The following STK40 variants were observed in gnomAD, a reference collection of about 807,000 sequenced individuals.
STK40 encodes serine/threonine kinase 40, also known as serine/threonine-protein kinase 40.
A neutral mutation model predicts 47.9 loss-of-function variants in STK40; 13 were observed. The observed-to-expected ratio is 0.27, with a 90% CI of 0.18 to 0.43. The LOEUF (loss-of-function observed/expected upper bound fraction) is 0.43, where lower values mean the gene tolerates loss of function less well. Ranked by LOEUF, STK40 falls within the 20% of genes least tolerant of loss-of-function variation. STK40 has a pLI of 1.00. For missense variants in STK40, 460 were observed against 595.1 expected (o/e 0.77, Z 2.36); for synonymous variants, 225 against 243.2 (o/e 0.93, Z 0.69).
rs143691321 is a variant in STK40 at position 36,368,795 on chromosome 1, T to C, written c.-8-7455A>G. Among the ~76,000 whole-genome samples the C allele has an allele frequency of 4.9e-4, 74 of 152,324 alleles. 1 individual carries two copies. The East Asian group carries it at 0.013, about 27-fold the overall frequency. ...GATTGGACAACTGGTAAAATCTGAA[T>C]ATAGACTGTTTATTAGATAATAGTA... On this transcript the variant is annotated intron_variant, in intron 1 of 10. Transcript: ENST00000373132.
intron 1 of STK40, among the ~76,000 whole-genome samples, chr1:36,368,278 T>C (rs1646917824): frequency 6.6e-6 from 1 of 151,862 alleles, no homozygotes; most frequent in Non-Finnish European, 1.5e-5. Context: ...TCATGCTATA[T>C]ATATATTTTT....
At position 36,351,467 on chromosome 1, in the gene STK40, G is replaced by A. The variant is rs1646752116; in HGVS notation, c.624-2652C>T. On this transcript the variant is annotated intron_variant, in intron 6 of 10. Transcript: ENST00000373132. Reference sequence around the variant, plus strand: ...GGGCCCCAGAGCGGAGGGTGTGCCAGAGGACACACACGGAGCAGTGAGTCT... The same window carrying A: ...GGGCCCCAGAGCGGAGGGTGTGCCAAAGGACACACACGGAGCAGTGAGTCT... 2.0e-5 allele frequency among the ~76,000 whole-genome samples: 3 copies of A among 152,146 alleles called. No individual in the cohort carries two copies. In the South Asian group the frequency reaches 6.2e-4, roughly 31 times the overall value.
chr1:36,342,256 C>T (rs1646656270), intron 10 of STK40: 1 of 461,418 alleles, frequency 2.2e-6, no homozygotes, highest in Non-Finnish European at 4.0e-6. Flanking sequence ...CACTTTACCT[C>T]AGAAGCCTTA....
At chr1:36,352,596 G>A (rs1278938761) in intron 6 of STK40, among the ~76,000 whole-genome samples, 1 of 152,184 alleles carries the variant, frequency 6.6e-6, no homozygotes, top group Non-Finnish European at 1.5e-5. Flanking sequence ...AGCCAGTCCA[G>A]GGTTCAAGCA....
intron 1 of STK40, among the ~76,000 whole-genome samples, chr1:36,383,494 G>T (rs1296905620): frequency 6.6e-6 from 1 of 152,214 alleles, no homozygotes; most frequent in Non-Finnish European, 1.5e-5. Context: ...TGCTTCCTCA[G>T]CAAAGATCCA....
At chr1:36,368,096 A>G (rs1288901599) in intron 1 of STK40, 1 of 153,022 alleles carries the variant, frequency 6.5e-6, no homozygotes, top group Non-Finnish European at 1.5e-5. Context: ...TGGTCAAAAC[A>G]ATTGAACAGC....
chr1:36,358,929 G>T, intron 2 of STK40, 107 bp from the exon 3 acceptor site: 1 of 1,262,096 alleles, frequency 7.9e-7, no homozygotes, highest in Non-Finnish European at 1.1e-6. Context: ...GGGCACCATA[G>T]CTCATGTGTA....
intron 8 of STK40, 44 bp downstream of exon 8, chr1:36,344,076 A>C (rs1646678213): frequency 1.9e-6 from 3 of 1,599,962 alleles, no homozygotes; most frequent in Non-Finnish European, 2.6e-6. Context: ...CCTTAAGCCC[A>C]TCAGGCTGGC....
chr1:36,358,437 A>G, intron 3 of STK40, 55 bp from the exon 4 acceptor site: 1 of 1,551,850 alleles, frequency 6.4e-7, no homozygotes, highest in Non-Finnish European at 8.8e-7. Flanking sequence ...TTTACACAGC[A>G]GAACAACCAG....
chr1:36,352,874 G>C (rs1041974703), intron 6 of STK40, among the ~76,000 whole-genome samples: 2 of 152,246 alleles, frequency 1.3e-5, no homozygotes, highest in African/African-American at 4.8e-5. Context: ...CCCAGCACCA[G>C]GTGGTGCTAG....
chr1:36,357,776 C>G (rs972019693), intron 4 of STK40, among the ~76,000 whole-genome samples: 6 of 152,068 alleles, frequency 3.9e-5, no homozygotes, highest in Non-Finnish European at 7.4e-5. Context: ...GCCGCCATGC[C>G]CAGCTAATTT....
intron 7 of STK40, among the ~76,000 whole-genome samples, chr1:36,347,076 CTT>C: frequency 6.6e-6 from 1 of 152,326 alleles, no homozygotes. Flanking sequence ...GTGCTACTGT[CTT>C]TGCACACGGG....
chr1:36,359,333 G>A (rs1292986365), intron 2 of STK40, among the ~76,000 whole-genome samples: 1 of 152,194 alleles, frequency 6.6e-6, no homozygotes, highest in East Asian at 1.9e-4. Flanking sequence ...TTGAGCCCAG[G>A]AGGCTGAGGC....
rs141409553 is a variant in STK40, at chr1:36,340,907, G to C, written c.*848C>G. 7 of 152,458 alleles carry C rather than the reference G, an allele frequency of 4.6e-5. No individual in the cohort carries two copies. Among genetic ancestry groups the C allele is most frequent in the African/African-American group, 1.7e-4 (7 of 41,588 alleles). The allele number at this position is 152,458 out of a possible 1,614,324, so 9.4% of individuals were successfully genotyped here. On this transcript the variant is annotated 3_prime_UTR_variant, in exon 11 of 11. Coordinates refer to ENST00000373132, the MANE Select transcript of STK40 (RefSeq NM_001282547.2). ...GGAGTCCACGTGAGCTCAGTACCAC[G>C]GGGAAGGATAGAGAAGGGAACAGGT...
At chr1:36,358,969 G>C in intron 2 of STK40, 147 bp from the exon 3 acceptor site, 1 of 788,524 alleles carries the variant, frequency 1.3e-6, no homozygotes, top group Non-Finnish European at 2.0e-6. Flanking sequence ...TCTCCTGGTG[G>C]AGAGTTTTCA....
intron 6 of STK40, among the ~76,000 whole-genome samples, chr1:36,352,603 A>C (rs1264725712): frequency 6.6e-6 from 1 of 152,184 alleles, no homozygotes; most frequent in Admixed American, 6.5e-5. Context: ...CCAGGGTTCA[A>C]GCAGCTCTGG....
At chr1:36,370,625 C>A (rs1383739200) in intron 1 of STK40, among the ~76,000 whole-genome samples, 2 of 152,238 alleles carry the variant, frequency 1.3e-5, no homozygotes, top group Non-Finnish European at 2.9e-5. Flanking sequence ...TAGATTCCTG[C>A]GCACCTCTCT....
chr1:36,378,746 C>T lies in STK40; in HGVS notation c.-9+6977G>A, dbSNP rs369743260. Among the ~76,000 whole-genome samples the T allele has an allele frequency of 5.9e-5, 9 of 152,186 alleles. 1 individual carries two copies. Among genetic ancestry groups the T allele is most frequent in the East Asian group, 5.8e-4 (3 of 5,196 alleles). Reference sequence around the variant, plus strand: ...TGTTGAGATTACAGGCGTGAGCCACCGTGCCAGCCGGGCCTCCTTTTTTTG... The same window carrying T: ...TGTTGAGATTACAGGCGTGAGCCACTGTGCCAGCCGGGCCTCCTTTTTTTG... On this transcript the variant is annotated intron_variant, in intron 1 of 10. Coordinates refer to ENST00000373132, the MANE Select transcript of STK40 (RefSeq NM_001282547.2).
chr1:36,355,393 C>T lies in STK40; in HGVS notation c.383G>A (p.Arg128Gln), dbSNP rs145487256. 14 of 1,614,142 alleles carry T rather than the reference C, an allele frequency of 8.7e-6. No individual in the cohort carries two copies. The highest frequency in any genetic ancestry group is 2.2e-5 in the East Asian group (1 of 44,868). Residue 128 changes from arginine (R) to glutamine (Q), a missense_variant, in exon 5 of 11, where the codon CGG becomes CAG. Coordinates refer to ENST00000373132, the MANE Select transcript of STK40 (RefSeq NM_001282547.2). ...GCGCTTCTTCATCTTCTTAACCATC[C>T]GGCTGGATTCTGTGTCCTCAACGAT... ...CEIVEDTESS[R>Q]MVKKMKKRIC...
Sources: gnomAD v4.1 joint callset for allele counts (sites outside exome capture counted in the v4.1 genomes callset) on GRCh38, gnomAD v4.1.1 for gene constraint, MANE v1.5 for transcripts, NCBI Gene and HGNC (gene_info 2026-07-23, HGNC 2026-07-21) for gene names.